Variants in LPP observed in about 807,000 individuals in gnomAD.
LPP encodes the protein lipoma-preferred partner.
Under a neutral mutation model 60.4 loss-of-function variants are expected in LPP, and 38 were observed. The ratio of observed to expected loss-of-function variants is 0.63; its 90% CI spans 0.49 to 0.83. The LOEUF (loss-of-function observed/expected upper bound fraction) is 0.83, where lower values mean the gene tolerates loss of function less well. LPP is among the 40% of genes least tolerant of loss of function. The pLI, the probability that LPP is intolerant of heterozygous loss-of-function variation, is 0.00. For missense variants in LPP, 902 were observed against 783.6 expected (o/e 1.15, Z -1.80); for synonymous variants, 328 against 290.8 (o/e 1.13, Z -1.30).
Position 188,547,417 on chromosome 3 carries a change from C to G in LPP, c.429+22630C>G, listed in dbSNP as rs73054776. On this transcript the variant is annotated intron_variant, in intron 6 of 11. Transcript: ENST00000617246. The stretch of plus-strand genomic sequence containing the variant: ...TCAGGGCTAGAAAGTCCCATAACCC[C>G]TCAGGATAAAATCACACCAACCGTA... Among the ~76,000 whole-genome samples, 722 of 152,284 alleles carry G rather than the reference C, an allele frequency of 4.7e-3. 8 individuals carry two copies. The highest frequency in any genetic ancestry group is 0.016 in the African/African-American group (685 of 41,558).
rs1769187834 is a variant in LPP, at chr3:188,875,832, C to G, written c.*1353C>G. ...CCAAGCCATACTTATTAAGTTCGAA[C>G]ATGTTTCACTTAAGGAGAGACACCT... On this transcript the variant is annotated 3_prime_UTR_variant, in exon 12 of 12. Coordinates refer to ENST00000617246, the MANE Select transcript of LPP (RefSeq NM_001375462.1). 5.2e-6 allele frequency: 1 copy of G among 193,768 alleles called. No homozygotes were observed. Among genetic ancestry groups the G allele is most frequent in the African/African-American group, 2.3e-5 (1 of 43,136 alleles). 12.0% of individuals were successfully genotyped at this position (193,768 alleles called of 1,614,324 possible).
intron 2 of LPP, among the ~76,000 whole-genome samples, chr3:188,277,941 G>T (rs1740572278): frequency 1.3e-5 from 2 of 152,334 alleles, no homozygotes; most frequent in South Asian, 4.1e-4. Flanking sequence ...ATAAGGCAGA[G>T]CTTGTGGAGG....
intron 9 of LPP, among the ~76,000 whole-genome samples, chr3:188,825,010 C>T (rs1020171496): frequency 1.3e-5 from 2 of 152,168 alleles, no homozygotes; most frequent in Non-Finnish European, 2.9e-5. Flanking sequence ...AGAGCAGCTG[C>T]ATAATGGCTA....
chr3:188,468,406 CT>C (rs1800982485), intron 4 of LPP, among the ~76,000 whole-genome samples: 1 of 152,148 alleles, frequency 6.6e-6, no homozygotes, highest in Non-Finnish European at 1.5e-5. Flanking sequence ...ATGACCTTGG[CT>C]ATGTTCCAAA....
intron 3 of LPP, among the ~76,000 whole-genome samples, chr3:188,368,682 T>TCACACACA (rs1289084950): frequency 7.7e-6 from 1 of 129,432 alleles, no homozygotes; most frequent in African/African-American, 2.8e-5. Context: ...ACACACACTC[T>TCACACACA]CACACACACA....
At chr3:188,831,106 A>G (rs951433740) in intron 9 of LPP, among the ~76,000 whole-genome samples, 10 of 152,170 alleles carry the variant, frequency 6.6e-5, no homozygotes, top group African/African-American at 2.2e-4. Flanking sequence ...TCATTCTGCT[A>G]TGTTTGCCAT....
intron 7 of LPP, among the ~76,000 whole-genome samples, chr3:188,644,225 A>C (rs1850704084): frequency 6.6e-6 from 1 of 152,226 alleles, no homozygotes; most frequent in South Asian, 2.1e-4. Context: ...TTGAAAGAAC[A>C]AAAGGATCTA....
chr3:188,362,153 C>T (rs1257576137), intron 3 of LPP, among the ~76,000 whole-genome samples: 1 of 152,062 alleles, frequency 6.6e-6, no homozygotes, highest in Non-Finnish European at 1.5e-5. Context: ...TTTGAACAAC[C>T]CTTTTGAAGA....
At chr3:188,276,534 C>T (rs1739769984) in intron 2 of LPP, among the ~76,000 whole-genome samples, 1 of 152,146 alleles carries the variant, frequency 6.6e-6, no homozygotes, top group Admixed American at 6.6e-5. Context: ...GAATTCTAAT[C>T]CTCAGTGCTG....
chr3:188,203,551 T>A (rs541804653), intron 1 of LPP, among the ~76,000 whole-genome samples: 1,542 of 73,232 alleles, frequency 0.021, 31 homozygotes, highest in Non-Finnish European at 0.031. Flanking sequence ...ATATATATAT[T>A]TTTAAATATA....
intron 7 of LPP, among the ~76,000 whole-genome samples, chr3:188,682,019 A>G (rs1300707370): frequency 6.6e-6 from 1 of 152,208 alleles, no homozygotes. Context: ...AATGAATGAC[A>G]ATATTGTCTT....
chr3:188,337,310 G>T (rs561313971), intron 2 of LPP, among the ~76,000 whole-genome samples: 2 of 152,340 alleles, frequency 1.3e-5, no homozygotes, highest in South Asian at 4.1e-4. Context: ...AGGTCACACT[G>T]GTTGCTCTTT....
At chr3:188,705,823 G>A (rs991299479) in intron 7 of LPP, among the ~76,000 whole-genome samples, 3 of 151,972 alleles carry the variant, frequency 2.0e-5, no homozygotes, top group Non-Finnish European at 4.4e-5. Context: ...CACAGTTTTG[G>A]CTAGGCTGGT....
chr3:188,650,517 A>G (rs1851878350), intron 7 of LPP, among the ~76,000 whole-genome samples: 1 of 152,152 alleles, frequency 6.6e-6, no homozygotes, highest in South Asian at 2.1e-4. Context: ...GGTTGTGGAC[A>G]CTTGCTCCGC....
intron 7 of LPP, among the ~76,000 whole-genome samples, chr3:188,668,412 C>T (rs74373357): frequency 4.6e-5 from 7 of 152,182 alleles, no homozygotes; most frequent in East Asian, 3.9e-4. Flanking sequence ...AGTTCTAAAC[C>T]GCTCTCTGGA....
At chr3:188,535,975 C>G (rs1179993041) in intron 6 of LPP, among the ~76,000 whole-genome samples, 1 of 150,898 alleles carries the variant, frequency 6.6e-6, no homozygotes, top group Non-Finnish European at 1.5e-5. Flanking sequence ...CAACATCAAC[C>G]AAAACACCTG....
At chr3:188,613,396 T>C (rs1200287063) in intron 7 of LPP, among the ~76,000 whole-genome samples, 4 of 151,720 alleles carry the variant, frequency 2.6e-5, no homozygotes, top group African/African-American at 9.7e-5. Flanking sequence ...TGCTAGGACC[T>C]GGAAGCTAGT....
intron 7 of LPP, among the ~76,000 whole-genome samples, chr3:188,685,395 G>A (rs1193204005): frequency 2.0e-5 from 3 of 152,170 alleles, no homozygotes; most frequent in Non-Finnish European, 4.4e-5. Flanking sequence ...GGTCTCTGTG[G>A]TTGAATTGAG....
intron 1 of LPP, among the ~76,000 whole-genome samples, chr3:188,203,373 T>C (rs1182885967): frequency 4.9e-5 from 5 of 101,186 alleles, no homozygotes; most frequent in Admixed American, 1.6e-4. Context: ...TATATAAATA[T>C]ATATTAATAT....
Sources: gnomAD v4.1 joint callset for allele counts (sites outside exome capture counted in the v4.1 genomes callset) on GRCh38, gnomAD v4.1.1 for gene constraint, MANE v1.5 for transcripts, NCBI Gene and HGNC (gene_info 2026-07-23, HGNC 2026-07-21) for gene names.